The following DNAH9 variants were observed in gnomAD, a reference collection of about 807,000 sequenced individuals.
DNAH9 encodes dynein axonemal heavy chain 9.
In DNAH9, 345 loss-of-function variants were observed where a neutral mutation model predicts 471.6. The observed-to-expected ratio is 0.73, with a 90% CI of 0.67 to 0.80. The LOEUF (loss-of-function observed/expected upper bound fraction) is 0.80, where lower values mean the gene tolerates loss of function less well. Ranked by LOEUF, DNAH9 falls within the 30% of genes least tolerant of loss-of-function variation. The probability of loss-of-function intolerance (pLI) is 0.00; values close to 1 mark genes in which losing one functional copy is unlikely to be tolerated. For synonymous variants in DNAH9, 2,093 were observed against 2,123.6 expected (o/e 0.99, Z 0.40); for missense variants, 5,407 against 5,609.2 (o/e 0.96, Z 1.15).
intron 61 of DNAH9, 94 bp from the exon 62 acceptor site, chr17:11,923,720 G>A: frequency 6.6e-7 from 1 of 1,507,076 alleles, no homozygotes; most frequent in South Asian, 1.3e-5. Flanking sequence ...GCCCGTGTTT[G>A]AGGGGTGATC....
intron 48 of DNAH9, among the ~76,000 whole-genome samples, chr17:11,825,358 CA>C (rs1173328560): frequency 6.6e-6 from 1 of 152,162 alleles, no homozygotes; most frequent in Non-Finnish European, 1.5e-5. Context: ...CAACATTTTC[CA>C]CCAGCCCTGT....
intron 14 of DNAH9, among the ~76,000 whole-genome samples, chr17:11,660,213 T>G (rs2073732530): frequency 6.6e-6 from 1 of 152,096 alleles, no homozygotes; most frequent in African/African-American, 2.4e-5. Flanking sequence ...GCCTTTCTCT[T>G]GAATATGGGC....
chr17:11,694,741 T>TTTCC lies in DNAH9; in HGVS notation c.4872+297_4872+298insCTTC, dbSNP rs1491566082. Among the ~76,000 whole-genome samples, 15 of 4,236 alleles carry TTTCC rather than the reference T, an allele frequency of 3.5e-3. 3 individuals carry two copies. Among genetic ancestry groups the TTTCC allele is most frequent in the African/African-American group, 5.8e-3 (14 of 2,394 alleles). 2.8% of individuals were successfully genotyped at this position (4,236 alleles called of 152,430 possible). On this transcript the variant is annotated intron_variant, in intron 22 of 68. Coordinates refer to ENST00000262442, the MANE Select transcript of DNAH9 (RefSeq NM_001372.4). ...CTCTCTCTCTCTTTCTCTTTCTTTC[T>TTTCC]TTCTTTCTTTCCTTCCTTCCTTCCT...
At chr17:11,629,276 GTGTGATGTTCCCCTTCC>G (rs1221512696) in intron 6 of DNAH9, 124 bp from the exon 7 acceptor site, 3 of 407,904 alleles carry the variant, frequency 7.4e-6, no homozygotes, top group Non-Finnish European at 1.4e-5. Context: ...AGTCCCCAGA[GTGTGATGTTCCCCTTCC>G]TGTGTCCATG....
At chr17:11,893,426 A>G (rs1290851631) in intron 58 of DNAH9, among the ~76,000 whole-genome samples, 1 of 100,360 alleles carries the variant, frequency 1.0e-5, no homozygotes, top group Admixed American at 1.2e-4. Flanking sequence ...TTGCAGCACT[A>G]TTTACAATAG....
At chr17:11,647,045 G>C in intron 11 of DNAH9, 27 bp from the exon 12 acceptor site, 1 of 1,611,618 alleles carries the variant, frequency 6.2e-7, no homozygotes, top group Non-Finnish European at 8.5e-7. Context: ...GGGCTTATGA[G>C]GTGGCTGTTG....
intron 22 of DNAH9, among the ~76,000 whole-genome samples, chr17:11,694,861 CTTCCTTCCTTCT>C (rs1440372407): frequency 0.091 from 40 of 440 alleles, 19 homozygotes; most frequent in African/African-American, 0.13. Context: ...TCCTTCCTTC[CTTCCTTCCTTCT>C]TTCTTTCTTT....
In DNAH9 at chr17:11,667,456, TGAG is replaced by T. The variant is rs1473932192; in HGVS notation, c.2732-1607_2732-1605del. Among the ~76,000 whole-genome samples the T allele has an allele frequency of 3.3e-5, 5 of 152,318 alleles. No homozygotes were observed. The East Asian group carries it at 9.6e-4, about 29-fold the overall frequency. ...ATTGGGACTGTCCTGAGTCCAATAA[TGAG>T]AATTTGTCATCCCTCCAGTTCTGAA... On this transcript the variant is annotated intron_variant, in intron 15 of 68. Transcript: ENST00000262442.
chr17:11,700,286 G>A (rs558957731), intron 23 of DNAH9, among the ~76,000 whole-genome samples: 2 of 152,094 alleles, frequency 1.3e-5, no homozygotes, highest in Admixed American at 6.5e-5. Context: ...ATGTCCTTTT[G>A]TGGAACCAGC....
chr17:11,927,790 A>G (rs879668612), intron 62 of DNAH9, among the ~76,000 whole-genome samples: 49 of 152,274 alleles, frequency 3.2e-4, no homozygotes, highest in Non-Finnish European at 6.5e-4. Flanking sequence ...ACCCAAGCCC[A>G]TCAACCCTGT....
chr17:11,901,556 C>T (rs536414284), intron 59 of DNAH9, among the ~76,000 whole-genome samples: 10 of 152,152 alleles, frequency 6.6e-5, no homozygotes, highest in Admixed American at 2.6e-4. Flanking sequence ...ATTAGCCAGG[C>T]GTGGTGGTCT....
intron 67 of DNAH9, among the ~76,000 whole-genome samples, chr17:11,950,761 T>A (rs770255993): frequency 2.6e-5 from 4 of 152,210 alleles, no homozygotes; most frequent in Non-Finnish European, 5.9e-5. Context: ...GGCACATCTC[T>A]GTATGAGGGA....
chr17:11,665,574 A>G (rs1239288291), intron 15 of DNAH9, among the ~76,000 whole-genome samples: 2 of 152,248 alleles, frequency 1.3e-5, no homozygotes, highest in Non-Finnish European at 2.9e-5. Context: ...TAGTGGATAA[A>G]CTGGGGTAAG....
chr17:11,756,597 T>A lies in DNAH9; in HGVS notation c.6768T>A (p.Ile2256=). The change falls in exon 34 of 69, where the codon ATT becomes ATA. Residue 2256 remains isoleucine (I), a synonymous_variant. Transcript: ENST00000262442. The part of the protein sequence containing the change: ...KVLTLASNER[I]PLNPTMKLLF... The stretch of plus-strand genomic sequence containing the variant: ...TGACATTGGCCAGCAATGAGAGGAT[T>A]CCTCTGAACCCCACCATGAAGCTCC... 1 of 1,613,596 alleles carries A rather than the reference T, an allele frequency of 6.2e-7. No homozygotes were observed. Among genetic ancestry groups the A allele is most frequent in the Non-Finnish European group, 8.5e-7 (1 of 1,179,600 alleles).
At chr17:11,916,402 C>CCT (rs1567897727) in intron 61 of DNAH9, among the ~76,000 whole-genome samples, 3 of 151,976 alleles carry the variant, frequency 2.0e-5, no homozygotes, top group East Asian at 1.9e-4. Flanking sequence ...GGCACCTGTG[C>CCT]CTCTCTCTCT....
chr17:11,910,180 G>A lies in DNAH9; in HGVS notation c.11749+4371G>A, dbSNP rs979672131. Among the ~76,000 whole-genome samples the A allele has an allele frequency of 2.4e-4, 37 of 151,980 alleles. 2 individuals carry two copies. Among genetic ancestry groups the A allele is most frequent in the Admixed American group, 2.0e-3 (31 of 15,258 alleles). On this transcript the variant is annotated intron_variant, in intron 61 of 68. Coordinates refer to ENST00000262442, the MANE Select transcript of DNAH9 (RefSeq NM_001372.4). ...TGAGGCAGGAGAATGGCATGAACCC[G>A]GGAGGCGGAGGTTGCAGTGAGCCAA...
At chr17:11,860,660 C>T (rs564692872) in intron 50 of DNAH9, among the ~76,000 whole-genome samples, 1 of 152,214 alleles carries the variant, frequency 6.6e-6, no homozygotes, top group Non-Finnish European at 1.5e-5. Context: ...CTCCCGGGTT[C>T]AAGCGATTCT....
intron 49 of DNAH9, among the ~76,000 whole-genome samples, chr17:11,848,079 CAG>C (rs1171289325): frequency 1.3e-5 from 2 of 152,116 alleles, no homozygotes; most frequent in Admixed American, 1.3e-4. Context: ...ATTACTAGCC[CAG>C]AGTAATGTAC....
intron 67 of DNAH9, among the ~76,000 whole-genome samples, chr17:11,947,274 G>A (rs1272784459): frequency 6.6e-6 from 1 of 152,198 alleles, no homozygotes; most frequent in East Asian, 1.9e-4. Flanking sequence ...TGTACCAAAT[G>A]CCCAATGGCC....
Sources: gnomAD v4.1 joint callset for allele counts (sites outside exome capture counted in the v4.1 genomes callset) on GRCh38, gnomAD v4.1.1 for gene constraint, MANE v1.5 for transcripts, NCBI Gene and HGNC (gene_info 2026-07-23, HGNC 2026-07-21) for gene names.